KCNK10: variants seen among roughly 807,000 people sequenced by gnomAD.
KCNK10 encodes the protein potassium channel subfamily K member 10.
In KCNK10, 25 loss-of-function variants were observed where a neutral mutation model predicts 47.7. That is an observed-to-expected ratio of 0.52 (90% CI 0.38 to 0.73). The LOEUF (loss-of-function observed/expected upper bound fraction) is 0.73, where lower values mean the gene tolerates loss of function less well. Ranked by LOEUF, KCNK10 falls within the 30% of genes least tolerant of loss-of-function variation. The pLI, the probability that KCNK10 is intolerant of heterozygous loss-of-function variation, is 0.00. For missense variants in KCNK10, 563 were observed against 714.5 expected (o/e 0.79, Z 2.42); for synonymous variants, 303 against 285.6 (o/e 1.06, Z -0.61).
At chr14:88,246,264 G>GA (rs35102974) in intron 2 of KCNK10, among the ~76,000 whole-genome samples, 16,851 of 54,848 alleles carry the variant, frequency 0.31, 1,946 homozygotes, top group East Asian at 0.46. Flanking sequence ...CTCCGTCTCA[G>GA]AAAAAAAAAA....
chr14:88,217,065 G>C (rs1001417395), intron 4 of KCNK10, among the ~76,000 whole-genome samples: 41 of 152,232 alleles, frequency 2.7e-4, no homozygotes, highest in East Asian at 3.9e-4. Context: ...GCTGAGGCAG[G>C]AGAGTCGCTT....
Position 88,183,654 on chromosome 14 carries a change from T to C in KCNK10, c.*1881A>G, listed in dbSNP as rs1448277972. The C allele has an allele frequency of 6.6e-6, 1 of 152,356 alleles. No individual in the cohort carries two copies. Among genetic ancestry groups the C allele is most frequent in the Non-Finnish European group, 1.5e-5 (1 of 68,044 alleles). 9.4% of individuals were successfully genotyped at this position (152,356 alleles called of 1,614,324 possible). A position where few individuals can be genotyped will look rare whatever the true frequency, so the allele number is the denominator to read the frequency against. On this transcript the variant is annotated 3_prime_UTR_variant, in exon 7 of 7. Transcript: ENST00000319231. ...TCCAATGGAGGAGTTGACTTAGACC[T>C]TCCTTGGACAGGAAGGGTCTCATAA...
chr14:88,220,669 T>A (rs1455297255), intron 4 of KCNK10, among the ~76,000 whole-genome samples: 3 of 148,426 alleles, frequency 2.0e-5, no homozygotes, highest in African/African-American at 7.4e-5. Flanking sequence ...GCAAAAAATA[T>A]GGCTGCAGAC....
rs745450458 is a variant in KCNK10 at position 88,186,168 on chromosome 14, C to T, written c.1012-13G>A. On this transcript the variant is annotated splice_polypyrimidine_tract_variant and intron_variant, in intron 6 of 6. Coordinates refer to ENST00000319231, the MANE Select transcript of KCNK10 (RefSeq NM_138317.3). This position sits in a 1 kb window ranked among gnomAD's most constrained non-coding sequence, Gnocchi z 5.5. Reference sequence around the variant, plus strand: ...TGATTTCACCCACCTGGCCAAGAGACAGAAGAGCAACAATATGCTGACAAA... The same window carrying T: ...TGATTTCACCCACCTGGCCAAGAGATAGAAGAGCAACAATATGCTGACAAA... 5 of 1,565,050 alleles carry T rather than the reference C, an allele frequency of 3.2e-6. No homozygotes were observed. In the Admixed American group the frequency reaches 7.2e-5, roughly 23 times the overall value.
At chr14:88,226,551 C>T (rs1212375109) in intron 4 of KCNK10, among the ~76,000 whole-genome samples, 1 of 152,122 alleles carries the variant, frequency 6.6e-6, no homozygotes, top group East Asian at 1.9e-4. Flanking sequence ...AGAATTAGGT[C>T]AGCGGTGAGT....
rs1012007910 is a variant in KCNK10 at position 88,185,306 on chromosome 14, C to T, written c.*229G>A. Reference sequence around the variant, plus strand: ...GTACGGCCAGAACCGGCTACGTGCACGGACACTCTTGGTGTGTCCTGCGTT... The same window carrying T: ...GTACGGCCAGAACCGGCTACGTGCATGGACACTCTTGGTGTGTCCTGCGTT... On this transcript the variant is annotated 3_prime_UTR_variant, in exon 7 of 7. Transcript: ENST00000319231. The surrounding 1 kb of genome is among the most constrained non-coding windows in gnomAD (Gnocchi z 4.3). The T allele has an allele frequency of 1.4e-5, 8 of 579,288 alleles. No homozygotes were observed. The Middle Eastern group carries it at 1.4e-3, about 105-fold the overall frequency. The allele number at this position is 579,288 out of a possible 1,614,324, so 35.9% of individuals were successfully genotyped here.
intron 4 of KCNK10, among the ~76,000 whole-genome samples, chr14:88,213,920 C>CA (rs1486861865): frequency 4.5e-5 from 4 of 89,866 alleles, no homozygotes; most frequent in Non-Finnish European, 6.8e-5. Context: ...TTTTATTTTA[C>CA]TTTATTATTA....
intron 1 of KCNK10, among the ~76,000 whole-genome samples, chr14:88,310,216 T>TGATATGGTATATGATATAC: frequency 7.3e-6 from 1 of 136,182 alleles, no homozygotes; most frequent in Admixed American, 7.2e-5. Context: ...ATATACCATA[T>TGATATGGTATATGATATAC]CATATGGTAT....
intron 1 of KCNK10, among the ~76,000 whole-genome samples, chr14:88,317,062 G>T (rs1228077757): frequency 6.6e-6 from 1 of 152,144 alleles, no homozygotes; most frequent in Non-Finnish European, 1.5e-5. Context: ...GGATGGTGAA[G>T]CTCCTTAGAC....
chr14:88,248,273 A>G (rs1465776854), intron 2 of KCNK10, among the ~76,000 whole-genome samples: 1 of 152,226 alleles, frequency 6.6e-6, no homozygotes, highest in Non-Finnish European at 1.5e-5. Flanking sequence ...GAAGGTTACT[A>G]TTCCTTCCAT....
At position 88,192,218 on chromosome 14, in the gene KCNK10, G is replaced by A. The variant is rs747804818; in HGVS notation, c.868+6C>T. The A allele has an allele frequency of 1.2e-6, 2 of 1,611,240 alleles. No individual in the cohort carries two copies. The highest frequency in any genetic ancestry group is 1.7e-6 in the Non-Finnish European group (2 of 1,178,484). ...CCCCAGTGCCTGGCCTGCCCAGGGT[G>A]CTTACCTGCCACAAAATCACCAAAG... On this transcript the variant is annotated splice_donor_region_variant and intron_variant, in intron 5 of 6. Coordinates refer to ENST00000319231, the MANE Select transcript of KCNK10 (RefSeq NM_138317.3).
rs1888289354 is a variant in KCNK10 at position 88,310,188 on chromosome 14, C to CATATGATATGGT, written c.52+12558_52+12559insACCATATCATAT. On this transcript the variant is annotated intron_variant, in intron 1 of 6. Coordinates refer to ENST00000319231, the MANE Select transcript of KCNK10 (RefSeq NM_138317.3). ...CCATATCATATGGTATATGATATAC[C>CATATGATATGGT]ATATCATATGGTATATGATATACCA... is the stretch of plus-strand genomic sequence containing the variant. Among the ~76,000 whole-genome samples, 6 of 122,682 alleles carry CATATGATATGGT rather than the reference C, an allele frequency of 4.9e-5. 1 individual carries two copies. Among genetic ancestry groups the CATATGATATGGT allele is most frequent in the Middle Eastern group, 4.4e-3 (1 of 226 alleles). 80.5% of individuals were successfully genotyped at this position (122,682 alleles called of 152,430 possible). A position where few individuals can be genotyped will look rare whatever the true frequency, so the allele number is the denominator to read the frequency against.
chr14:88,286,933 C>T (rs1046978986), intron 1 of KCNK10, among the ~76,000 whole-genome samples: 6 of 152,164 alleles, frequency 3.9e-5, no homozygotes, highest in Non-Finnish European at 7.4e-5. Context: ...TATTGAGGTG[C>T]ACCCTACGGA....
In KCNK10 at chr14:88,180,483, T is replaced by C. The variant is rs1631092; in HGVS notation, c.*5052A>G. On this transcript the variant is annotated 3_prime_UTR_variant, in exon 7 of 7. Transcript: ENST00000319231. ...CCTTCTCCCTTCAAGCTCAGAGCCCTGACAGCAAAAGAGAGCTTCCGCAGT... is the reference window on the plus strand; with the variant it reads ...CCTTCTCCCTTCAAGCTCAGAGCCCCGACAGCAAAAGAGAGCTTCCGCAGT... 0.3 allele frequency: 72,533 copies of C among 242,156 alleles called. 13,125 individuals are homozygous for C. Among genetic ancestry groups the C allele is most frequent in the East Asian group, 0.7 (9,119 of 13,110 alleles). 15.0% of individuals were successfully genotyped at this position (242,156 alleles called of 1,614,324 possible). A position where few individuals can be genotyped will look rare whatever the true frequency, so the allele number is the denominator to read the frequency against.
At chr14:88,285,660 G>C (rs1324757959) in intron 1 of KCNK10, among the ~76,000 whole-genome samples, 1 of 152,112 alleles carries the variant, frequency 6.6e-6, no homozygotes, top group Non-Finnish European at 1.5e-5. Context: ...ATACAACTTA[G>C]GTTAAGATTA....
chr14:88,266,366 C>T (rs1242951002), intron 1 of KCNK10, among the ~76,000 whole-genome samples: 2 of 152,154 alleles, frequency 1.3e-5, no homozygotes, highest in African/African-American at 4.8e-5. Context: ...AACCCCTTCC[C>T]CACCCTCATC....
In KCNK10 at chr14:88,293,536, C is replaced by T. The variant is rs550945457; in HGVS notation, c.52+29211G>A. Among the ~76,000 whole-genome samples, 297 of 152,192 alleles carry T rather than the reference C, an allele frequency of 2.0e-3. 1 individual carries two copies. The highest frequency in any genetic ancestry group is 6.8e-3 in the African/African-American group (281 of 41,528). On this transcript the variant is annotated intron_variant, in intron 1 of 6. Transcript: ENST00000319231. ...CAGCAAATGCTGTGGATTCCATCTC[C>T]AAACTAGAAATCAAACCCATCCACC...
At chr14:88,224,106 T>A (rs2139868343) in intron 4 of KCNK10, among the ~76,000 whole-genome samples, 1 of 152,344 alleles carries the variant, frequency 6.6e-6, no homozygotes, top group East Asian at 1.9e-4. Flanking sequence ...ATTTGGCACC[T>A]TTACTTTTAC....
rs995163905 is a variant in KCNK10, at chr14:88,231,007, G to T, written c.521-3472C>A. 7.8e-4 allele frequency among the ~76,000 whole-genome samples: 118 copies of T among 152,078 alleles called. 2 individuals carry two copies. The highest frequency in any genetic ancestry group is 1.2e-4 in the Non-Finnish European group (8 of 68,022). On this transcript the variant is annotated intron_variant, in intron 3 of 6. Coordinates refer to ENST00000319231, the MANE Select transcript of KCNK10 (RefSeq NM_138317.3). ...AAACATCCCATCTAAATCAAGTGGG[G>T]CTCACACTCATAATCTCAGCACTTT...
Sources: gnomAD v4.1 joint callset for allele counts (sites outside exome capture counted in the v4.1 genomes callset) on GRCh38, gnomAD v4.1.1 for gene constraint, Gnocchi (gnomAD v3.1) non-coding constraint, MANE v1.5 for transcripts, NCBI Gene and HGNC (gene_info 2026-07-23, HGNC 2026-07-21) for gene names.